The following USP34 variants were observed in gnomAD, a reference collection of about 807,000 sequenced individuals.
USP34 encodes the protein ubiquitin carboxyl-terminal hydrolase 34.
USP34 carries 70 observed loss-of-function variants against 460.3 expected under a neutral mutation model. The ratio of observed to expected loss-of-function variants is 0.15; its 90% CI spans 0.13 to 0.19. USP34 has a LOEUF of 0.19. Ranked by LOEUF, USP34 falls within the 10% of genes least tolerant of loss-of-function variation. The probability of loss-of-function intolerance (pLI) is 1.00; values close to 1 mark genes in which losing one functional copy is unlikely to be tolerated. For synonymous variants in USP34, 1,647 were observed against 1,405.3 expected, an observed-to-expected ratio of 1.17 and a Z score of -3.85; for missense variants, 3,985 against 4,236.2, an observed-to-expected ratio of 0.94 and a Z score of 1.65.
chr2:61,383,120 C>T (rs1441776757), intron 6 of USP34, 149 bp downstream of exon 6: 1 of 446,946 alleles, frequency 2.2e-6, no homozygotes, highest in Non-Finnish European at 4.0e-6. Flanking sequence ...CATATATGTG[C>T]ATAAAAAACA....
chr2:61,244,859 G>T (rs922099783), intron 51 of USP34, among the ~76,000 whole-genome samples: 1 of 151,826 alleles, frequency 6.6e-6, no homozygotes, highest in Non-Finnish European at 1.5e-5. Flanking sequence ...CCTTGTCAAA[G>T]ATTTTTCAGA....
At chr2:61,274,807 A>G (rs771696179) in intron 41 of USP34, among the ~76,000 whole-genome samples, 3 of 152,212 alleles carry the variant, frequency 2.0e-5, no homozygotes, top group Non-Finnish European at 4.4e-5. Flanking sequence ...CGTTTTTAAC[A>G]TAACCAAAAC....
chr2:61,456,234 C>T (rs1294090144), intron 1 of USP34, among the ~76,000 whole-genome samples: 1 of 152,196 alleles, frequency 6.6e-6, no homozygotes, highest in Admixed American at 6.5e-5. Flanking sequence ...TTCATGGTAA[C>T]AACGTGCCAG....
chr2:61,278,457 G>T lies in USP34; in HGVS notation c.5257-14C>A. 1 of 1,493,582 alleles carries T rather than the reference G, an allele frequency of 6.7e-7. No individual in the cohort carries two copies. The highest frequency in any genetic ancestry group is 1.4e-5 in the South Asian group (1 of 73,352). 92.5% of individuals were successfully genotyped at this position (1,493,582 alleles called of 1,614,324 possible). A position where few individuals can be genotyped will look rare whatever the true frequency, so the allele number is the denominator to read the frequency against. On this transcript the variant is annotated splice_polypyrimidine_tract_variant and intron_variant, in intron 39 of 79. Transcript: ENST00000398571. ...GAGGAGCGTTGTCTTAATACAAAAA[G>T]AAAATAAAAATTCAAATATAAATTT...
chr2:61,267,365 T>C (rs910141986), intron 41 of USP34, among the ~76,000 whole-genome samples: 4 of 152,138 alleles, frequency 2.6e-5, no homozygotes, highest in South Asian at 2.1e-4. Flanking sequence ...TTTCATCTAT[T>C]GTTAAAGAAT....
chr2:61,203,360 A>G (rs1421862472), intron 74 of USP34, 97 bp from the exon 75 acceptor site: 11 of 1,166,262 alleles, frequency 9.4e-6, no homozygotes, highest in Admixed American at 7.2e-5. Flanking sequence ...AGCTGATTCA[A>G]TATTTATATT....
At chr2:61,220,213 T>C (rs990580248) in intron 67 of USP34, 97 bp downstream of exon 67, 14 of 592,950 alleles carry the variant, frequency 2.4e-5, no homozygotes, top group Non-Finnish European at 3.5e-5. Flanking sequence ...TTTCGTAGTA[T>C]ACAACAATGG....
At chr2:61,255,944 T>C (rs1179431149) in intron 48 of USP34, among the ~76,000 whole-genome samples, 1 of 152,224 alleles carries the variant, frequency 6.6e-6, no homozygotes, top group Non-Finnish European at 1.5e-5. Context: ...CATAGGTATG[T>C]TATGCACAGC....
chr2:61,391,605 A>G (rs905173299), intron 5 of USP34, among the ~76,000 whole-genome samples: 2 of 152,314 alleles, frequency 1.3e-5, no homozygotes, highest in African/African-American at 4.8e-5. Context: ...GAGATTCCCA[A>G]ATAGAGACCT....
rs534615537 is a variant in USP34 at position 61,247,715 on chromosome 2, T to C, written c.6394+796A>G. ...TCTAATTTTTCAAATGGTTTAATAA[T>C]AGGTCTAAAAAGTAGAATGTATACA... On this transcript the variant is annotated intron_variant, in intron 49 of 79. Coordinates refer to ENST00000398571, the MANE Select transcript of USP34 (RefSeq NM_014709.4). Among the ~76,000 whole-genome samples the C allele has an allele frequency of 2.6e-5, 4 of 152,298 alleles. No homozygotes were observed. In the South Asian group the frequency reaches 6.2e-4, roughly 24 times the overall value.
intron 10 of USP34, among the ~76,000 whole-genome samples, chr2:61,359,562 TAGTC>T (rs1692211579): frequency 6.6e-6 from 1 of 152,078 alleles, no homozygotes; most frequent in South Asian, 2.1e-4. Context: ...ACGCCAAAAA[TAGTC>T]AACAACAACA....
At chr2:61,368,453 G>C (rs970786974) in intron 10 of USP34, among the ~76,000 whole-genome samples, 1 of 151,964 alleles carries the variant, frequency 6.6e-6, no homozygotes, top group Non-Finnish European at 1.5e-5. Flanking sequence ...AGAAGAATGG[G>C]CATGTCTGTG....
intron 68 of USP34, among the ~76,000 whole-genome samples, chr2:61,212,235 A>T: frequency 6.6e-6 from 1 of 152,180 alleles, no homozygotes; most frequent in East Asian, 1.9e-4. Flanking sequence ...AACAATAATA[A>T]TAAACACTAA....
In USP34 at chr2:61,393,506, G is replaced by C. The variant is rs768703945; in HGVS notation, c.753+1347C>G. 9.7e-4 allele frequency among the ~76,000 whole-genome samples: 146 copies of C among 150,456 alleles called. 2 individuals are homozygous for C. The highest frequency in any genetic ancestry group is 1.1e-3 in the Non-Finnish European group (76 of 67,816). ...TATATGTAATAATTTCAACCTATCAGAATGGGTGGAATTTTTTAACTAAAA... is the reference window on the plus strand; with the variant it reads ...TATATGTAATAATTTCAACCTATCACAATGGGTGGAATTTTTTAACTAAAA... On this transcript the variant is annotated intron_variant, in intron 5 of 79. Transcript: ENST00000398571.
At chr2:61,266,287 G>A in intron 41 of USP34, 120 bp from the exon 42 acceptor site, 2 of 911,502 alleles carry the variant, frequency 2.2e-6, no homozygotes, top group Non-Finnish European at 3.2e-6. Context: ...ATAGCAGCAT[G>A]ATATACCATC....
In USP34 at chr2:61,380,261, ATGT is replaced by A; in HGVS notation, c.919_921del (p.Thr307del). 1 of 1,614,174 alleles carries A rather than the reference ATGT, an allele frequency of 6.2e-7. No homozygotes were observed. Among genetic ancestry groups the A allele is most frequent in the Non-Finnish European group, 8.5e-7 (1 of 1,180,014 alleles). ...TCTAGGCTTTCTTTATCAAAGCATA[ATGT>A]TGTATCCAATGGTTCTTTGACTGTG... On this transcript the variant is annotated inframe_deletion, in exon 7 of 80. Coordinates refer to ENST00000398571, the MANE Select transcript of USP34 (RefSeq NM_014709.4).
intron 75 of USP34, among the ~76,000 whole-genome samples, chr2:61,195,517 C>CA (rs1410169134): frequency 3.3e-5 from 5 of 151,670 alleles, no homozygotes; most frequent in African/African-American, 1.2e-4. Flanking sequence ...ACTAAAAATA[C>CA]AAAAATTAGC....
At chr2:61,436,285 G>A (rs1250318442) in intron 1 of USP34, among the ~76,000 whole-genome samples, 1 of 152,164 alleles carries the variant, frequency 6.6e-6, no homozygotes, top group Admixed American at 6.6e-5. Context: ...AGTCAAGATT[G>A]TGCCAGCCTG....
Position 61,214,707 on chromosome 2 carries a change from A to G in USP34, c.8048-13T>C. On this transcript the variant is annotated splice_polypyrimidine_tract_variant and intron_variant, in intron 67 of 79. Transcript: ENST00000398571. ...AGATAAGCTGCAGCTATAAAATGTA[A>G]AACAAAACTGTCAGATCCTTGTAAG... 6.2e-7 allele frequency: 1 copy of G among 1,612,320 alleles called. No homozygotes were observed. Among genetic ancestry groups the G allele is most frequent in the Non-Finnish European group, 8.5e-7 (1 of 1,179,270 alleles).
Sources: gnomAD v4.1 joint callset for allele counts (sites outside exome capture counted in the v4.1 genomes callset) on GRCh38, gnomAD v4.1.1 for gene constraint, MANE v1.5 for transcripts, NCBI Gene and HGNC (gene_info 2026-07-23, HGNC 2026-07-21) for gene names.